Variants in DGCR2 observed in about 807,000 individuals in gnomAD.
The protein encoded by DGCR2 is DiGeorge syndrome critical region gene 2.
Under a neutral mutation model 51.6 loss-of-function variants are expected in DGCR2, and 24 were observed. The ratio of observed to expected loss-of-function variants is 0.47; its 90% CI spans 0.34 to 0.65. The LOEUF is 0.65. Among genes scored for constraint, DGCR2 ranks in the 30% least tolerant of loss-of-function variants. The probability of loss-of-function intolerance (pLI) is 0.01; values close to 1 mark genes in which losing one functional copy is unlikely to be tolerated. For synonymous variants in DGCR2, 340 were observed against 315.4 expected, an observed-to-expected ratio of 1.08 and a Z score of -0.82; for missense variants, 765 against 772.1, an observed-to-expected ratio of 0.99 and a Z score of 0.11.
At chr22:19,104,127 T>C (rs2083236546) in intron 1 of DGCR2, among the ~76,000 whole-genome samples, 1 of 152,088 alleles carries the variant, frequency 6.6e-6, no homozygotes, top group Non-Finnish European at 1.5e-5. Context: ...AATGCTACCT[T>C]ATGCTTGTGA....
chr22:19,070,856 A>C (rs2082806532), intron 2 of DGCR2, among the ~76,000 whole-genome samples: 1 of 152,228 alleles, frequency 6.6e-6, no homozygotes, highest in Non-Finnish European at 1.5e-5. Flanking sequence ...ACCTGCCAGC[A>C]CAGACACAGG....
intron 6 of DGCR2, among the ~76,000 whole-genome samples, chr22:19,054,741 TAAA>T (rs56262911): frequency 1.4e-5 from 2 of 139,828 alleles, no homozygotes; most frequent in Non-Finnish European, 1.6e-5. Flanking sequence ...TGCCCCACCT[TAAA>T]AAAAAAAAAA....
At chr22:19,063,303 G>C in intron 4 of DGCR2, 25 bp from the exon 5 acceptor site, 8 of 1,609,160 alleles carry the variant, frequency 5.0e-6, no homozygotes, top group Non-Finnish European at 6.8e-6. Context: ...GACAGAGACA[G>C]AGATCTCAGC....
intron 2 of DGCR2, among the ~76,000 whole-genome samples, chr22:19,068,472 G>T (rs1294881034): frequency 6.6e-6 from 1 of 152,218 alleles, no homozygotes; most frequent in Non-Finnish European, 1.5e-5. Flanking sequence ...GTGAAATGGA[G>T]GCCCTCTTCA....
intron 1 of DGCR2, among the ~76,000 whole-genome samples, chr22:19,113,392 A>G (rs549462480): frequency 3.0e-4 from 46 of 152,278 alleles, no homozygotes; most frequent in Non-Finnish European, 5.4e-4. Flanking sequence ...TAAAAAAAAA[A>G]AAATAACAGT....
rs578211797 is a variant in DGCR2, at chr22:19,065,197, G to C, written c.329-130C>G. On this transcript the variant is annotated intron_variant, in intron 3 of 9. Coordinates refer to ENST00000263196, the MANE Select transcript of DGCR2 (RefSeq NM_005137.3). ...GAAGTGGGGAAACTGAGGCTCAAGAGGACAAGGTCTGCTTCTGAAACCACA... is the reference window on the plus strand; with the variant it reads ...GAAGTGGGGAAACTGAGGCTCAAGACGACAAGGTCTGCTTCTGAAACCACA... 10 of 748,702 alleles carry C rather than the reference G, an allele frequency of 1.3e-5. No homozygotes were observed. In the African/African-American group the frequency reaches 1.4e-4, roughly 10 times the overall value. 46.4% of individuals were successfully genotyped at this position (748,702 alleles called of 1,614,324 possible). A position where few individuals can be genotyped will look rare whatever the true frequency, so the allele number is the denominator to read the frequency against.
chr22:19,041,378 C>T, intron 8 of DGCR2, 84 bp from the exon 9 acceptor site: 4 of 1,395,990 alleles, frequency 2.9e-6, no homozygotes, highest in Non-Finnish European at 2.0e-6. Flanking sequence ...CACCCCCAGG[C>T]TGGGCCTGCC....
intron 2 of DGCR2, among the ~76,000 whole-genome samples, chr22:19,088,743 A>C (rs905185537): frequency 6.6e-6 from 1 of 152,072 alleles, no homozygotes; most frequent in African/African-American, 2.4e-5. Context: ...TACACCTCCC[A>C]CCCAACCAAA....
chr22:19,047,687 G>A (rs545768794), intron 7 of DGCR2: 2 of 152,372 alleles, frequency 1.3e-5, no homozygotes, highest in Non-Finnish European at 2.9e-5. Context: ...CAAGTGGAAG[G>A]GAGAGGATCA....
intron 5 of DGCR2, among the ~76,000 whole-genome samples, chr22:19,059,540 CAG>C (rs2082637914): frequency 6.6e-6 from 1 of 152,036 alleles, no homozygotes; most frequent in Non-Finnish European, 1.5e-5. Flanking sequence ...CCCTGGCTAC[CAG>C]AGTGACTGGG....
In DGCR2 at chr22:19,041,971, G is replaced by A. The variant is rs1417887439; in HGVS notation, c.1007-12C>T. 3.1e-6 allele frequency: 5 copies of A among 1,610,404 alleles called. No homozygotes were observed. The Admixed American group carries it at 6.7e-5, about 22-fold the overall frequency. On this transcript the variant is annotated splice_polypyrimidine_tract_variant and intron_variant, in intron 7 of 9. Coordinates refer to ENST00000263196, the MANE Select transcript of DGCR2 (RefSeq NM_005137.3). ...CAGACTGTTGCCATCTGAGGGGGAG[G>A]GGAGGAAATGGCCGCTCTGAGAAGG...
chr22:19,111,859 TA>T (rs68143733), intron 1 of DGCR2, among the ~76,000 whole-genome samples: 19,869 of 112,772 alleles, frequency 0.18, 1,803 homozygotes, highest in African/African-American at 0.33. Flanking sequence ...TTTATTTATT[TA>T]TTTTTTTTTG....
intron 6 of DGCR2, among the ~76,000 whole-genome samples, chr22:19,051,188 CAAA>C (rs61277487): frequency 1.3e-4 from 7 of 54,846 alleles, no homozygotes; most frequent in East Asian, 1.3e-3. Context: ...AATTCTGTCA[CAAA>C]AAAAAAAAAA....
chr22:19,111,479 C>T (rs1477313525), intron 1 of DGCR2, among the ~76,000 whole-genome samples: 2 of 152,198 alleles, frequency 1.3e-5, no homozygotes, highest in Non-Finnish European at 2.9e-5. Flanking sequence ...CCTGTTCTTG[C>T]TTCTACTTAA....
At chr22:19,044,906 T>G (rs1046133205) in intron 7 of DGCR2, among the ~76,000 whole-genome samples, 1 of 152,260 alleles carries the variant, frequency 6.6e-6, no homozygotes, top group African/African-American at 2.4e-5. Flanking sequence ...AATACTTGTT[T>G]TGATTCAGTC....
intron 1 of DGCR2, among the ~76,000 whole-genome samples, chr22:19,105,807 T>C (rs2083255713): frequency 6.6e-6 from 1 of 152,052 alleles, no homozygotes; most frequent in Non-Finnish European, 1.5e-5. Context: ...CCAACTGTGA[T>C]CACATCACAA....
chr22:19,059,672 C>A (rs1170838024), intron 5 of DGCR2, among the ~76,000 whole-genome samples: 1 of 152,122 alleles, frequency 6.6e-6, no homozygotes, highest in Non-Finnish European at 1.5e-5. Context: ...TTTCCAGGTG[C>A]CCCTCCCATA....
intron 1 of DGCR2, among the ~76,000 whole-genome samples, chr22:19,092,680 T>C (rs1199862195): frequency 6.6e-6 from 1 of 152,208 alleles, no homozygotes; most frequent in African/African-American, 2.4e-5. Context: ...TACTGTAAGT[T>C]CAGGTATTTA....
At chr22:19,100,891 G>A (rs1468059123) in intron 1 of DGCR2, among the ~76,000 whole-genome samples, 1 of 152,016 alleles carries the variant, frequency 6.6e-6, no homozygotes, top group Non-Finnish European at 1.5e-5. Flanking sequence ...GAACACTTGA[G>A]GTCAGGAGTT....
Sources: allele counts gnomAD v4.1 joint callset (sites outside exome capture counted in the v4.1 genomes callset), GRCh38; gene constraint gnomAD v4.1.1; transcripts MANE v1.5; gene names NCBI Gene and HGNC (gene_info 2026-07-23, HGNC 2026-07-21).